The following CTNNB1 variants were observed in gnomAD, a reference collection of about 807,000 sequenced individuals.
The protein encoded by CTNNB1 is catenin beta 1.
A neutral mutation model predicts 82.5 loss-of-function variants in CTNNB1; 6 were observed. The ratio of observed to expected loss-of-function variants is 0.07; its 90% confidence interval spans 0.04 to 0.14. The LOEUF (loss-of-function observed/expected upper bound fraction) is 0.14, where lower values mean the gene tolerates loss of function less well. Ranked by LOEUF, CTNNB1 falls within the 10% of genes least tolerant of loss-of-function variation. The pLI, the probability that CTNNB1 is intolerant of heterozygous loss-of-function variation, is 1.00. For synonymous variants in CTNNB1, 312 were observed against 329.7 expected (o/e 0.95, Z 0.58); for missense variants, 529 against 980.4 (o/e 0.54, Z 6.15).
At position 41,225,340 on chromosome 3, in the gene CTNNB1, G is replaced by C. The variant is rs2078150188; in HGVS notation, c.502G>C (p.Val168Leu). ...KLLNDEDQVV[V>L]NKAAVMVHQL... ...CTGAATTCCTGTATTACAGGTGGTG[G>C]TTAATAAGGCTGCAGTTATGGTCCA... The change falls in exon 5 of 15, where the codon GTT (valine) becomes CTT (leucine). Residue 168 changes from valine to leucine, a missense_variant. By Grantham distance (32) the Val-to-Leu change is conservative. Around this residue, in one of 4 missense-constraint regions of CTNNB1, gnomAD observed 411 missense variants for 776.4 expected, o/e 0.53. Coordinates refer to ENST00000349496, the MANE Select transcript of CTNNB1 (RefSeq NM_001904.4). This position sits in a 1 kb window ranked among gnomAD's most constrained non-coding sequence, Gnocchi z 5.3. The C allele has an allele frequency of 6.2e-7, 1 of 1,613,924 alleles. No homozygotes were observed. The highest frequency in any genetic ancestry group is 1.3e-5 in the African/African-American group (1 of 74,922).
chr3:41,235,624 G>T, intron 10 of CTNNB1, 100 bp from the exon 11 acceptor site: 1 of 1,509,768 alleles, frequency 6.6e-7, no homozygotes, highest in Non-Finnish European at 9.2e-7. Flanking sequence ...AAGTTACGGG[G>T]AACTTCGGGT....
intron 10 of CTNNB1, chr3:41,234,568 T>G: frequency 2.2e-6 from 1 of 465,074 alleles, no homozygotes; most frequent in Non-Finnish European, 3.9e-6. Flanking sequence ...CTCATTTAAT[T>G]TACACAAAGG....
In CTNNB1 at chr3:41,225,238, T is replaced by G. The variant is rs778248964; in HGVS notation, c.495+31T>G. 2 of 1,614,058 alleles carry G rather than the reference T, an allele frequency of 1.2e-6. No homozygotes were observed. The highest frequency in any genetic ancestry group is 1.7e-6 in the Non-Finnish European group (2 of 1,179,980). ...CAATGACATAGCTAGCTTTTTAGTC[T>G]GCTTTGAAGTAAATGCTCAAGGGGA... is the stretch of plus-strand genomic sequence containing the variant. On this transcript the variant is annotated intron_variant, in intron 4 of 14. Coordinates refer to ENST00000349496, the MANE Select transcript of CTNNB1 (RefSeq NM_001904.4). The surrounding 1 kb of genome is among the most constrained non-coding windows in gnomAD (Gnocchi z 5.3).
chr3:41,217,666 A>G (rs964484443), intron 1 of CTNNB1, among the ~76,000 whole-genome samples: 8 of 152,232 alleles, frequency 5.3e-5, no homozygotes, highest in East Asian at 1.9e-4. Flanking sequence ...CTTACTATCA[A>G]AAGTTTCTGC....
intron 1 of CTNNB1, among the ~76,000 whole-genome samples, chr3:41,213,703 A>C (rs963345431): frequency 6.6e-6 from 1 of 152,214 alleles, no homozygotes; most frequent in Admixed American, 6.5e-5. Flanking sequence ...TAAATTGAGA[A>C]AACAAAAAAA....
chr3:41,215,978 T>C (rs1277088973), intron 1 of CTNNB1, among the ~76,000 whole-genome samples: 1 of 152,176 alleles, frequency 6.6e-6, no homozygotes, highest in Non-Finnish European at 1.5e-5. Context: ...CTGTCTTTCA[T>C]TTATCTGCAA....
chr3:41,204,288 G>A (rs572913730), intron 1 of CTNNB1, among the ~76,000 whole-genome samples: 2 of 152,198 alleles, frequency 1.3e-5, no homozygotes, highest in Admixed American at 6.5e-5. Flanking sequence ...AATGAGAGTA[G>A]GCTTAAAAGT....
In CTNNB1 at chr3:41,235,736, A is replaced by G; in HGVS notation, c.1696A>G (p.Met566Val). The change falls in exon 11 of 15, where the codon ATG (methionine) becomes GTG (valine). Residue 566 changes from methionine (M) to valine (V), a missense_variant. Met to Val is a conservative substitution (Grantham distance 21, BLOSUM62 1). Around this residue, in one of 4 missense-constraint regions of CTNNB1, gnomAD observed 411 missense variants for 776.4 expected, o/e 0.53. Transcript: ENST00000349496. ...TQQQFVEGVR[M>V]EEIVEGCTGA... ...TTTCTTTTGGCAGGAGGGGGTCCGC[A>G]TGGAAGAAATAGTTGAAGGTTGTAC... 1.2e-6 allele frequency: 2 copies of G among 1,614,146 alleles called. No individual in the cohort carries two copies. Among genetic ancestry groups the G allele is most frequent in the Non-Finnish European group, 1.7e-6 (2 of 1,180,006 alleles).
rs373354897 is a variant in CTNNB1 at position 41,201,166 on chromosome 3, C to G, written c.-49+1496C>G. Among the ~76,000 whole-genome samples the G allele has an allele frequency of 6.5e-4, 99 of 152,242 alleles. 1 individual carries two copies. Among genetic ancestry groups the G allele is most frequent in the Middle Eastern group, 6.8e-3 (2 of 294 alleles). Reference sequence around the variant, plus strand: ...AACATTCAATACCTTCAGATGTCTTCGTGTTGACTTGTATTCATCCTAAGA... The same window carrying G: ...AACATTCAATACCTTCAGATGTCTTGGTGTTGACTTGTATTCATCCTAAGA... On this transcript the variant is annotated intron_variant, in intron 1 of 14. Transcript: ENST00000349496.
intron 13 of CTNNB1, 148 bp downstream of exon 13, chr3:41,236,857 G>T: frequency 1.0e-6 from 1 of 971,766 alleles, no homozygotes; most frequent in Non-Finnish European, 1.6e-6. Context: ...TCTAGCAACT[G>T]CTCTGAGGAA....
chr3:41,236,153 T>A, intron 11 of CTNNB1, 196 bp from the exon 12 acceptor site: 1 of 804,760 alleles, frequency 1.2e-6, no homozygotes, highest in East Asian at 2.5e-5. Context: ...GAAGAAAGGG[T>A]TTATAGCTAA....
intron 1 of CTNNB1, among the ~76,000 whole-genome samples, chr3:41,223,737 CTG>C (rs1465808373): frequency 6.6e-6 from 1 of 152,128 alleles, no homozygotes; most frequent in African/African-American, 2.4e-5. Context: ...TATTACAACT[CTG>C]TGCTTTTTCA....
intron 1 of CTNNB1, among the ~76,000 whole-genome samples, chr3:41,203,890 T>C (rs539989858): frequency 1.3e-5 from 2 of 152,342 alleles, no homozygotes; most frequent in East Asian, 1.9e-4. Context: ...AGTTAAACGG[T>C]CAGCATATGG....
intron 7 of CTNNB1, among the ~76,000 whole-genome samples, chr3:41,228,904 T>A (rs140462279): frequency 1.3e-5 from 2 of 152,214 alleles, no homozygotes; most frequent in Non-Finnish European, 2.9e-5. Flanking sequence ...TTTTTGTACA[T>A]CATGTAAGGA....
At position 41,233,537 on chromosome 3, in the gene CTNNB1, G is replaced by A. The variant is rs2125638640; in HGVS notation, c.1194G>A (p.Met398Ile). 6.2e-7 allele frequency: 1 copy of A among 1,614,130 alleles called. No homozygotes were observed. Among genetic ancestry groups the A allele is most frequent in the African/African-American group, 1.3e-5 (1 of 75,022 alleles). The change falls in exon 9 of 15, where the codon ATG (methionine) becomes ATA (isoleucine). Residue 398 changes from methionine (M) to isoleucine (I), a missense_variant. Met to Ile is a conservative substitution (Grantham distance 10, BLOSUM62 1). This residue lies in a region of CTNNB1 where 411 missense variants were observed against 776.4 expected (regional missense o/e 0.53). Coordinates refer to ENST00000349496, the MANE Select transcript of CTNNB1 (RefSeq NM_001904.4). Reference protein sequence around the residue: ...LSDAATKQEGMEGLLGTLVQL... With the variant: ...LSDAATKQEGIEGLLGTLVQL... ...TGTTTTTATCTCCATAGGAAGGGAT[G>A]GAAGGTCTCCTTGGGACTCTTGTTC...
rs2078134351 is a variant in CTNNB1 at position 41,224,724 on chromosome 3, C to T, written c.212C>T (p.Ser71Phe). 6.2e-7 allele frequency: 1 copy of T among 1,613,788 alleles called. No homozygotes were observed. Among genetic ancestry groups the T allele is most frequent in the Non-Finnish European group, 8.5e-7 (1 of 1,179,892 alleles). ...CTGTATGAGTGGGAACAGGGATTTT[C>T]TCAGTCCTTCACTCAAGAACAAGTA... The part of the protein sequence containing the change: ...QVLYEWEQGF[S>F]QSFTQEQVAD... Residue 71 changes from serine (S) to phenylalanine (F), a missense_variant, in exon 3 of 15, where the codon TCT becomes TTT. Physicochemically the swap from Ser to Phe is radical, Grantham distance 155. This residue lies in a region of CTNNB1 where 411 missense variants were observed against 776.4 expected (regional missense o/e 0.53). Coordinates refer to ENST00000349496, the MANE Select transcript of CTNNB1 (RefSeq NM_001904.4).
chr3:41,238,032 T>G lies in CTNNB1; in HGVS notation c.2093T>G (p.Leu698Arg). 1 of 1,614,004 alleles carries G rather than the reference T, an allele frequency of 6.2e-7. No individual in the cohort carries two copies. The highest frequency in any genetic ancestry group is 8.5e-7 in the Non-Finnish European group (1 of 1,179,864). ...MAWNETADLG[L>R]DIGAQGEPLG... ...TTTATCTAGACTGCTGATCTTGGACTTGATATTGGTGCCCAGGGAGAACCC... is the reference window on the plus strand; with the variant it reads ...TTTATCTAGACTGCTGATCTTGGACGTGATATTGGTGCCCAGGGAGAACCC... Residue 698 changes from leucine to arginine, a missense_variant, in exon 14 of 15, where the codon CTT (leucine) becomes CGT (arginine). Around this residue, in one of 4 missense-constraint regions of CTNNB1, gnomAD observed 102 missense variants for 130.8 expected, o/e 0.78. Transcript: ENST00000349496.
chr3:41,235,816 A>G lies in CTNNB1; in HGVS notation c.1776A>G (p.Gly592=). 2 of 1,614,132 alleles carry G rather than the reference A, an allele frequency of 1.2e-6. No homozygotes were observed. Among genetic ancestry groups the G allele is most frequent in the Non-Finnish European group, 8.5e-7 (1 of 1,179,970 alleles). Residue 592 remains glycine, a synonymous_variant, in exon 11 of 15, where the codon GGA becomes GGG. Transcript: ENST00000349496. ...RDVHNRIVIR[G]LNTIPLFVQL... The stretch of plus-strand genomic sequence containing the variant: ...TTCACAACCGAATTGTTATCAGAGG[A>G]CTAAATACCATTCCATTGTTTGTGC...
At chr3:41,212,062 T>G (rs2077805863) in intron 1 of CTNNB1, among the ~76,000 whole-genome samples, 1 of 152,234 alleles carries the variant, frequency 6.6e-6, no homozygotes, top group Admixed American at 6.5e-5. Context: ...GCCTTTTTGT[T>G]TTTCCTCAAA....
Sources: allele counts gnomAD v4.1 joint callset (sites outside exome capture counted in the v4.1 genomes callset), GRCh38; gene constraint gnomAD v4.1.1; regional missense constraint gnomAD v4.1.1; non-coding constraint Gnocchi (gnomAD v3.1); transcripts MANE v1.5; gene names NCBI Gene and HGNC (gene_info 2026-07-23, HGNC 2026-07-21).